The following PTPRD variants were observed in gnomAD, a reference collection of about 807,000 sequenced individuals.
PTPRD encodes the protein receptor-type tyrosine-protein phosphatase delta.
Under a neutral mutation model 214.5 loss-of-function variants are expected in PTPRD, and 34 were observed. The ratio of observed to expected loss-of-function variants is 0.16; its 90% CI spans 0.12 to 0.21. PTPRD has a LOEUF of 0.21. Among genes scored for constraint, PTPRD ranks in the 10% least tolerant of loss-of-function variants. The pLI, the probability that PTPRD is intolerant of heterozygous loss-of-function variation, is 1.00. For synonymous variants in PTPRD, 1,128 were observed against 845.7 expected (o/e 1.33, Z -5.79); for missense variants, 2,545 against 2,398.7 (o/e 1.06, Z -1.27).
chr9:9,075,555 T>TC (rs2099749788), intron 10 of PTPRD, among the ~76,000 whole-genome samples: 1 of 151,974 alleles, frequency 6.6e-6, no homozygotes, highest in African/African-American at 2.4e-5. Flanking sequence ...ATGCTATCCC[T>TC]CCCCCATCCC....
chr9:9,323,035 T>C (rs1362518161), intron 9 of PTPRD, among the ~76,000 whole-genome samples: 1 of 152,184 alleles, frequency 6.6e-6, no homozygotes, highest in Non-Finnish European at 1.5e-5. Context: ...CTCAAATTTT[T>C]AAGTTACTGT....
intron 5 of PTPRD, among the ~76,000 whole-genome samples, chr9:9,855,602 A>G (rs2061405231): frequency 6.6e-6 from 1 of 152,192 alleles, no homozygotes; most frequent in East Asian, 1.9e-4. Context: ...GAGGGAGCGC[A>G]CAAGTAAACA....
intron 7 of PTPRD, among the ~76,000 whole-genome samples, chr9:9,591,481 G>C (rs538138394): frequency 6.6e-6 from 1 of 152,112 alleles, no homozygotes; most frequent in East Asian, 2.0e-4. Context: ...TTAAGCAGAG[G>C]ACCCAGTTGA....
chr9:9,373,540 G>A (rs1169671116), intron 9 of PTPRD, among the ~76,000 whole-genome samples: 1 of 151,978 alleles, frequency 6.6e-6, no homozygotes, highest in Non-Finnish European at 1.5e-5. Flanking sequence ...AGTCTCCCAG[G>A]GAGAATTAAT....
intron 2 of PTPRD, among the ~76,000 whole-genome samples, chr9:10,579,523 G>A (rs953407008): frequency 6.6e-6 from 1 of 152,132 alleles, no homozygotes; most frequent in Non-Finnish European, 1.5e-5. Flanking sequence ...CTGTTGATGG[G>A]CACCTAGGTT....
At chr9:10,234,571 G>C (rs779753414) in intron 3 of PTPRD, among the ~76,000 whole-genome samples, 3 of 151,686 alleles carry the variant, frequency 2.0e-5, no homozygotes, top group Non-Finnish European at 4.4e-5. Flanking sequence ...ATAAAACAAG[G>C]AACAATTAAG....
At chr9:10,218,321 T>A (rs1387861062) in intron 3 of PTPRD, among the ~76,000 whole-genome samples, 2 of 151,974 alleles carry the variant, frequency 1.3e-5, no homozygotes, top group Non-Finnish European at 2.9e-5. Context: ...GTACCTACAT[T>A]TTCTTAATTT....
intron 9 of PTPRD, among the ~76,000 whole-genome samples, chr9:9,323,305 C>A (rs1054058978): frequency 4.6e-5 from 7 of 152,098 alleles, no homozygotes; most frequent in Non-Finnish European, 1.0e-4. Flanking sequence ...TTACAAAGTT[C>A]ACTGAGTTGG....
In PTPRD at chr9:9,306,113, C is replaced by T. The variant is rs188006424; in HGVS notation, c.-203+91336G>A. Reference sequence around the variant, plus strand: ...CCCAGGAAATATGAAGATAAGAACCCTACCAAAACCTTGGCAGTTGCCTTT... The same window carrying T: ...CCCAGGAAATATGAAGATAAGAACCTTACCAAAACCTTGGCAGTTGCCTTT... On this transcript the variant is annotated intron_variant, in intron 9 of 45. Coordinates refer to ENST00000381196, the MANE Select transcript of PTPRD (RefSeq NM_002839.4). Among the ~76,000 whole-genome samples, 283 of 152,240 alleles carry T rather than the reference C, an allele frequency of 1.9e-3. 2 individuals carry two copies. Among genetic ancestry groups the T allele is most frequent in the African/African-American group, 6.6e-3 (273 of 41,544 alleles).
At chr9:8,804,186 C>G (rs2096627759) in intron 11 of PTPRD, among the ~76,000 whole-genome samples, 3 of 152,126 alleles carry the variant, frequency 2.0e-5, no homozygotes. Context: ...CTCCTGACCT[C>G]AAGTGATCCA....
chr9:8,758,305 G>C (rs1565840811), intron 11 of PTPRD, among the ~76,000 whole-genome samples: 1 of 152,184 alleles, frequency 6.6e-6, no homozygotes, highest in South Asian at 2.1e-4. Flanking sequence ...TACCACTCTA[G>C]ATGCATAGGA....
At chr9:10,283,354 G>A (rs1488116944) in intron 3 of PTPRD, among the ~76,000 whole-genome samples, 1 of 152,104 alleles carries the variant, frequency 6.6e-6, no homozygotes, top group Non-Finnish European at 1.5e-5. Flanking sequence ...CCATTAGAAT[G>A]TGAAGTCCAT....
At chr9:9,349,832 C>T (rs7858684) in intron 9 of PTPRD, among the ~76,000 whole-genome samples, 49,267 of 151,614 alleles carry the variant, frequency 0.32, 8,718 homozygotes, top group East Asian at 0.61. Context: ...TTCTCATATA[C>T]TAGCACTTCT....
At chr9:9,684,448 C>T (rs1425329672) in intron 7 of PTPRD, among the ~76,000 whole-genome samples, 2 of 151,632 alleles carry the variant, frequency 1.3e-5, no homozygotes, top group East Asian at 1.9e-4. Context: ...TAACACCTTA[C>T]ATTCTCTATG....
At chr9:10,102,270 C>A (rs2154215138) in intron 3 of PTPRD, among the ~76,000 whole-genome samples, 1 of 151,552 alleles carries the variant, frequency 6.6e-6, no homozygotes, top group South Asian at 2.1e-4. Flanking sequence ...CTAAAATTTG[C>A]CATAGATCCT....
intron 2 of PTPRD, among the ~76,000 whole-genome samples, chr9:10,570,390 C>T (rs1216519705): frequency 1.3e-5 from 2 of 152,228 alleles, no homozygotes; most frequent in African/African-American, 4.8e-5. Flanking sequence ...CAAGATTAGA[C>T]ATATCAGGAG....
At position 10,080,135 on chromosome 9, in the gene PTPRD, AATG is replaced by A. The variant is rs370427027; in HGVS notation, c.-544-46348_-544-46346del. 5.3e-5 allele frequency among the ~76,000 whole-genome samples: 8 copies of A among 152,240 alleles called. No homozygotes were observed. In the South Asian group the frequency reaches 8.3e-4, roughly 16 times the overall value. ...ATGCAAAGAGAACAGCATACATTTA[AATG>A]ATAAGTGAAGGAAGCTCTCTGTAAC... is the stretch of plus-strand genomic sequence containing the variant. On this transcript the variant is annotated intron_variant, in intron 3 of 45. Coordinates refer to ENST00000381196, the MANE Select transcript of PTPRD (RefSeq NM_002839.4).
At chr9:8,960,374 C>T (rs913598481) in intron 11 of PTPRD, among the ~76,000 whole-genome samples, 50 of 152,002 alleles carry the variant, frequency 3.3e-4, no homozygotes. Flanking sequence ...TACTTAGGAA[C>T]CTCTGGTATA....
At chr9:10,349,027 C>T (rs1362512810) in intron 2 of PTPRD, among the ~76,000 whole-genome samples, 1 of 152,086 alleles carries the variant, frequency 6.6e-6, no homozygotes, top group African/African-American at 2.4e-5. Flanking sequence ...AGAGTCATCC[C>T]TCTGCACACC....
Sources: allele counts gnomAD v4.1 joint callset (sites outside exome capture counted in the v4.1 genomes callset), GRCh38; gene constraint gnomAD v4.1.1; transcripts MANE v1.5; gene names NCBI Gene and HGNC (gene_info 2026-07-23, HGNC 2026-07-21).